The following BICRA variants were observed in gnomAD, a reference collection of about 807,000 sequenced individuals.
The protein encoded by BICRA is BRD4-interacting chromatin-remodeling complex-associated protein.
Under a neutral mutation model 96.9 loss-of-function variants are expected in BICRA, and 31 were observed. The ratio of observed to expected loss-of-function variants is 0.32; its 90% CI spans 0.24 to 0.43. The LOEUF (loss-of-function observed/expected upper bound fraction) is 0.43, where lower values mean the gene tolerates loss of function less well. Among genes scored for constraint, BICRA ranks in the 20% least tolerant of loss-of-function variants. BICRA has a pLI of 1.00. For missense variants in BICRA, 2,283 were observed against 2,190.3 expected (o/e 1.04, Z -0.84); for synonymous variants, 1,350 against 1,071.8 (o/e 1.26, Z -5.07).
intron 1 of BICRA, among the ~76,000 whole-genome samples, chr19:47,610,248 G>T (rs1971881593): frequency 1.3e-5 from 2 of 152,220 alleles, no homozygotes; most frequent in Admixed American, 6.5e-5. Flanking sequence ...ATCCCTGGCT[G>T]CCCCTCGTCT....
At chr19:47,689,704 A>ACGCCTGGC (rs1396529540) in intron 7 of BICRA, among the ~76,000 whole-genome samples, 2 of 152,076 alleles carry the variant, frequency 1.3e-5, no homozygotes, top group Non-Finnish European at 2.9e-5. Context: ...GTGAGCCACC[A>ACGCCTGGC]CGCCTGGCCA....
At position 47,682,006 on chromosome 19, in the gene BICRA, G is replaced by A. The variant is rs368002189; in HGVS notation, c.2137G>A (p.Gly713Ser). The change falls in exon 7 of 15, where the codon GGC becomes AGC. Residue 713 changes from glycine to serine, a missense_variant. Physicochemically the swap from Gly to Ser is moderately conservative, Grantham distance 56. Transcript: ENST00000594866. ...GAGCCAGCAGCCCCTCTCCGCAGAG[G>A]GCCCCCACCTCTCCGTGCCTGCCTC... ...ERSQQPLSAE[G>S]PHLSVPASVI... 26 of 1,571,770 alleles carry A rather than the reference G, an allele frequency of 1.7e-5. No homozygotes were observed. The highest frequency in any genetic ancestry group is 2.1e-5 in the Non-Finnish European group (25 of 1,163,952).
chr19:47,665,199 A>G (rs115432428), intron 1 of BICRA, among the ~76,000 whole-genome samples: 3,144 of 152,310 alleles, frequency 0.021, 89 homozygotes, highest in African/African-American at 0.068. Flanking sequence ...ACCCCCCACC[A>G]GACACACAGT....
At chr19:47,647,090 T>A (rs567869894) in intron 1 of BICRA, among the ~76,000 whole-genome samples, 1 of 152,340 alleles carries the variant, frequency 6.6e-6, no homozygotes, top group East Asian at 1.9e-4. Context: ...AGCGTGATGT[T>A]GTCAAGGTCC....
At chr19:47,663,407 T>A (rs1177997528) in intron 1 of BICRA, 2 of 152,046 alleles carry the variant, frequency 1.3e-5, no homozygotes, top group Non-Finnish European at 2.9e-5. Flanking sequence ...AAGAACACGG[T>A]CTTTTTGTCA....
chr19:47,608,711 C>A (rs935845180), upstream of BICRA, among the ~76,000 whole-genome samples: 2 of 151,452 alleles, frequency 1.3e-5, no homozygotes, highest in African/African-American at 2.4e-5. Flanking sequence ...AGGGCCCAGT[C>A]CCCGGACGTC....
At chr19:47,608,833 G>A (rs994982860), upstream of BICRA, among the ~76,000 whole-genome samples, 3 of 150,330 alleles carry the variant, frequency 2.0e-5, no homozygotes, top group African/African-American at 7.3e-5. Context: ...GAGGGCGGAG[G>A]GAAGAGGAGG....
intron 1 of BICRA, among the ~76,000 whole-genome samples, chr19:47,657,399 AT>A (rs36052673): frequency 3.1e-3 from 436 of 142,332 alleles, no homozygotes; most frequent in Middle Eastern, 0.014. Flanking sequence ...CTGCTGTGAA[AT>A]TTTTTTTTTT....
At chr19:47,667,731 C>T (rs1401557580) in intron 1 of BICRA, among the ~76,000 whole-genome samples, 1 of 152,138 alleles carries the variant, frequency 6.6e-6, no homozygotes, top group Non-Finnish European at 1.5e-5. Flanking sequence ...CATGCCAGTC[C>T]CTTTATCTCC....
intron 1 of BICRA, among the ~76,000 whole-genome samples, chr19:47,620,229 T>C (rs571130761): frequency 6.6e-6 from 1 of 152,270 alleles, no homozygotes; most frequent in South Asian, 2.1e-4. Context: ...GGGCTGTGTT[T>C]CCTGTGTTCT....
chr19:47,651,591 C>G (rs1972541947), intron 1 of BICRA, among the ~76,000 whole-genome samples: 1 of 152,248 alleles, frequency 6.6e-6, no homozygotes, highest in East Asian at 1.9e-4. Flanking sequence ...CTCCCAGCAC[C>G]ATCGGGAAAG....
Position 47,698,756 on chromosome 19 carries a change from T to C in BICRA, c.3371T>C (p.Leu1124Pro). 1.2e-6 allele frequency: 2 copies of C among 1,608,246 alleles called. No individual in the cohort carries two copies. Among genetic ancestry groups the C allele is most frequent in the Non-Finnish European group, 1.7e-6 (2 of 1,176,810 alleles). The part of the protein sequence containing the change: ...LLPYHVYQGA[L>P]PSPSDYHKVD... Reference sequence around the variant, plus strand: ...CCCTACCATGTCTACCAGGGCGCCCTCCCCTCCCCCAGTGACTACCACAAA... The same window carrying C: ...CCCTACCATGTCTACCAGGGCGCCCCCCCCTCCCCCAGTGACTACCACAAA... The change falls in exon 12 of 15, where the codon CTC (leucine) becomes CCC (proline). Residue 1124 changes from leucine (L) to proline (P), a missense_variant. Leu to Pro is a moderately conservative substitution (Grantham distance 98). Coordinates refer to ENST00000594866, the MANE Select transcript of BICRA (RefSeq NM_001394372.1). This position sits in a 1 kb window ranked among gnomAD's most constrained non-coding sequence, Gnocchi z 4.8.
chr19:47,645,880 T>A (rs1972451673), intron 1 of BICRA, among the ~76,000 whole-genome samples: 1 of 152,122 alleles, frequency 6.6e-6, no homozygotes. Flanking sequence ...GCAGATTGCT[T>A]GAGGCCAGGA....
At chr19:47,653,763 C>T (rs944679449) in intron 1 of BICRA, among the ~76,000 whole-genome samples, 8 of 152,156 alleles carry the variant, frequency 5.3e-5, no homozygotes, top group Admixed American at 1.3e-4. Context: ...CATCCACGGA[C>T]GGGCATTTGG....
chr19:47,694,826 C>A (rs1973308127), intron 8 of BICRA, 74 bp from the exon 9 acceptor site: 3 of 1,232,730 alleles, frequency 2.4e-6, no homozygotes, highest in Non-Finnish European at 3.4e-6. Context: ...TGATCCTCCC[C>A]AGCCCTGCTG....
intron 11 of BICRA, among the ~76,000 whole-genome samples, chr19:47,697,964 C>T (rs572126420): frequency 6.6e-6 from 1 of 152,336 alleles, no homozygotes; most frequent in South Asian, 2.1e-4. Flanking sequence ...GCCTCGGCCC[C>T]GCAAAGCGCT....
At chr19:47,659,696 A>G (rs1972674749) in intron 1 of BICRA, among the ~76,000 whole-genome samples, 1 of 135,870 alleles carries the variant, frequency 7.4e-6, no homozygotes, top group Non-Finnish European at 1.5e-5. Flanking sequence ...ACACACACAC[A>G]CACACACACA....
chr19:47,617,410 C>T (rs1972001391), intron 1 of BICRA, among the ~76,000 whole-genome samples: 1 of 151,886 alleles, frequency 6.6e-6, no homozygotes, highest in African/African-American at 2.4e-5. Flanking sequence ...GTCACCCAGA[C>T]TGGAGTGTAG....
Position 47,701,888 on chromosome 19 carries a change from C to A in BICRA, c.4156C>A (p.Pro1386Thr). The change falls in exon 15 of 15, where the codon CCA becomes ACA. Residue 1386 changes from proline to threonine, a missense_variant. Physicochemically the swap from Pro to Thr is conservative, Grantham distance 38 (BLOSUM62 -1). Transcript: ENST00000594866. This position sits in a 1 kb window ranked among gnomAD's most constrained non-coding sequence, Gnocchi z 5.4. ...CACCGCCCCGCACTGCCCGCGCCTG[C>A]CACTGCGCAAGACCTACCGCGAGAA... Reference protein sequence around the residue: ...LGTAPHCPRLPLRKTYRENVG... With the variant: ...LGTAPHCPRLTLRKTYRENVG... 1 of 1,466,222 alleles carries A rather than the reference C, an allele frequency of 6.8e-7. No individual in the cohort carries two copies. Among genetic ancestry groups the A allele is most frequent in the African/African-American group, 1.5e-5 (1 of 67,194 alleles). The allele number at this position is 1,466,222 out of a possible 1,614,324, so 90.8% of individuals were successfully genotyped here. A position where few individuals can be genotyped will look rare whatever the true frequency, so the allele number is the denominator to read the frequency against.
Sources: gnomAD v4.1 joint callset for allele counts (sites outside exome capture counted in the v4.1 genomes callset) on GRCh38, gnomAD v4.1.1 for gene constraint, Gnocchi (gnomAD v3.1) non-coding constraint, MANE v1.5 for transcripts, NCBI Gene and HGNC (gene_info 2026-07-23, HGNC 2026-07-21) for gene names.